The following FREM1 variants were observed in gnomAD, a reference collection of about 807,000 sequenced individuals.
FREM1 encodes FRAS1-related extracellular matrix protein 1.
Under a neutral mutation model 210.1 loss-of-function variants are expected in FREM1, and 220 were observed. The observed-to-expected ratio is 1.05, with a 90% CI of 0.94 to 1.17. FREM1 has a LOEUF of 1.17. Among genes scored for constraint, FREM1 ranks in the 50% most tolerant of loss-of-function variants. FREM1 has a pLI of 0.00. For synonymous variants in FREM1, 1,189 were observed against 980.2 expected (o/e 1.21, Z -3.98); for missense variants, 3,454 against 2,675.5 (o/e 1.29, Z -6.42).
At chr9:14,830,050 CAAG>C in intron 10 of FREM1, among the ~76,000 whole-genome samples, 1 of 152,088 alleles carries the variant, frequency 6.6e-6, no homozygotes, top group Non-Finnish European at 1.5e-5. Flanking sequence ...ATATTTACCA[CAAG>C]TCAGAGAAGA....
At chr9:14,758,767 G>T (rs1209679493) in intron 28 of FREM1, among the ~76,000 whole-genome samples, 2 of 151,980 alleles carry the variant, frequency 1.3e-5, no homozygotes, top group Non-Finnish European at 2.9e-5. Flanking sequence ...AAGCGCTCTT[G>T]TTATAACGAC....
intron 13 of FREM1, among the ~76,000 whole-genome samples, chr9:14,820,522 GA>G (rs1471788709): frequency 6.6e-6 from 1 of 152,212 alleles, no homozygotes; most frequent in Non-Finnish European, 1.5e-5. Flanking sequence ...AGAGGAAAGG[GA>G]AGGAAGCAAG....
intron 28 of FREM1, among the ~76,000 whole-genome samples, chr9:14,757,314 G>A (rs1844584166): frequency 6.6e-6 from 1 of 152,200 alleles, no homozygotes; most frequent in Admixed American, 6.5e-5. Context: ...CAGCACTCTG[G>A]GAGGCAGAGG....
chr9:14,791,194 G>T (rs188654856), intron 22 of FREM1: 1 of 152,080 alleles, frequency 6.6e-6, no homozygotes, highest in Non-Finnish European at 1.5e-5. Context: ...TATAATTCAC[G>T]TTGGGCTGAT....
chr9:14,807,081 G>A (rs1357569629), intron 17 of FREM1, among the ~76,000 whole-genome samples: 1 of 152,168 alleles, frequency 6.6e-6, no homozygotes, highest in East Asian at 1.9e-4. Context: ...GTCCAGGCAA[G>A]TCAGAAGATA....
In FREM1 at chr9:14,819,245, G is replaced by A; in HGVS notation, c.2535C>T (p.Thr845=). The part of the protein sequence containing the change: ...GGTFSWGDLH[T]LKVRYQHDGT... ...TGAAATGTTCTAACCTAACTTTTAA[G>A]GTATGGAGATCGCCCCAAGAAAATG... The change falls in exon 14 of 37, where the codon ACC becomes ACT. Residue 845 remains threonine, a synonymous_variant. Coordinates refer to ENST00000380880, the MANE Select transcript of FREM1 (RefSeq NM_001379081.2). 6.2e-7 allele frequency: 1 copy of A among 1,610,464 alleles called. No homozygotes were observed. Among genetic ancestry groups the A allele is most frequent in the Non-Finnish European group, 8.5e-7 (1 of 1,177,370 alleles).
chr9:14,771,889 G>A (rs1271741056), intron 25 of FREM1, among the ~76,000 whole-genome samples: 1 of 151,932 alleles, frequency 6.6e-6, no homozygotes, highest in Non-Finnish European at 1.5e-5. Context: ...GCAAGTTGCA[G>A]AATAGAATTC....
intron 13 of FREM1, among the ~76,000 whole-genome samples, chr9:14,821,886 T>C (rs1821395078): frequency 6.6e-6 from 1 of 152,218 alleles, no homozygotes; most frequent in Non-Finnish European, 1.5e-5. Flanking sequence ...ATGTTGGCAA[T>C]TCATTATTTT....
intron 24 of FREM1, among the ~76,000 whole-genome samples, chr9:14,781,050 T>A (rs1849573371): frequency 1.3e-5 from 2 of 152,144 alleles, no homozygotes; most frequent in South Asian, 4.1e-4. Flanking sequence ...TCTCCACAAA[T>A]TTTTGGTACA....
At chr9:14,776,241 C>G (rs778935180) in intron 24 of FREM1, 38 bp from the exon 25 acceptor site, 4 of 1,503,498 alleles carry the variant, frequency 2.7e-6, no homozygotes, top group Admixed American at 4.6e-5. Context: ...AGCATGGATT[C>G]TTGTGTCACC....
Position 14,859,297 on chromosome 9 carries a change from C to T in FREM1, c.517G>A (p.Val173Ile), listed in dbSNP as rs539557870. The T allele has an allele frequency of 1.8e-5, 29 of 1,613,836 alleles. No individual in the cohort carries two copies. Among genetic ancestry groups the T allele is most frequent in the African/African-American group, 1.2e-4 (9 of 75,008 alleles). Residue 173 changes from valine (V) to isoleucine (I), a missense_variant, in exon 4 of 37, where the codon GTC (valine) becomes ATC (isoleucine). Physicochemically the swap from Val to Ile is conservative, Grantham distance 29. Coordinates refer to ENST00000380880, the MANE Select transcript of FREM1 (RefSeq NM_001379081.2). ...YDRMASLECT[V>I]SLDTARTRLP... ...CGAGTTCTCGCAGTGTCCAGGCTGA[C>T]GGTACATTCCAGGCTAGCCATCCTA...
chr9:14,843,831 C>T (rs937402690), intron 8 of FREM1, among the ~76,000 whole-genome samples: 1 of 152,094 alleles, frequency 6.6e-6, no homozygotes, highest in African/African-American at 2.4e-5. Flanking sequence ...AGGGAGGCAA[C>T]AACCAGTGTT....
In FREM1 at chr9:14,869,748, ACTTTG is replaced by A. The variant is rs1475592624; in HGVS notation, c.-267-509_-267-505del. Among the ~76,000 whole-genome samples the A allele has an allele frequency of 1.3e-5, 2 of 152,236 alleles. 1 individual carries two copies. The highest frequency in any genetic ancestry group is 4.8e-5 in the African/African-American group (2 of 41,458). On this transcript the variant is annotated intron_variant, in intron 1 of 36. Transcript: ENST00000380880. ...ATTTATCACACTGGGCACACTTCTGACTTTGCTGGGCAATGAAGACACCTAAGAAA... is the reference window on the plus strand; with the variant it reads ...ATTTATCACACTGGGCACACTTCTGACTGGGCAATGAAGACACCTAAGAAA...
At position 14,812,769 on chromosome 9, in the gene FREM1, A is replaced by C. The variant is rs1204195592; in HGVS notation, c.2893+43T>G. On this transcript the variant is annotated intron_variant, in intron 16 of 36. Coordinates refer to ENST00000380880, the MANE Select transcript of FREM1 (RefSeq NM_001379081.2). ...CCCACACTGAGGAGTGGAGACTCTC[A>C]TGTTGCTTGCATTCCCTCACTGGTC... The C allele has an allele frequency of 2.6e-6, 4 of 1,563,560 alleles. No homozygotes were observed. The South Asian group carries it at 4.9e-5, about 19-fold the overall frequency.
At chr9:14,881,081 G>C (rs528671850) in intron 1 of FREM1, among the ~76,000 whole-genome samples, 2 of 152,296 alleles carry the variant, frequency 1.3e-5, no homozygotes, top group African/African-American at 4.8e-5. Flanking sequence ...TGTGTTTCAG[G>C]CTCTGCAAGA....
In FREM1 at chr9:14,801,715, G is replaced by A. The variant is rs76714828; in HGVS notation, c.3631C>T (p.Pro1211Ser). ...GCATGTTTCTGGTGAGGGTTGGCTGGCTGCTTATTCTCAGAGAAGTCTTTG... is the reference window on the plus strand; with the variant it reads ...GCATGTTTCTGGTGAGGGTTGGCTGACTGCTTATTCTCAGAGAAGTCTTTG... ...FSKDFSENKQ[P>S]ANPHQKHAPV... The change falls in exon 20 of 37, where the codon CCA becomes TCA. Residue 1211 changes from proline (P) to serine (S), a missense_variant. By Grantham distance (74) the Pro-to-Ser change is moderately conservative (BLOSUM62 -1). Transcript: ENST00000380880. The A allele has an allele frequency of 1.1e-4, 173 of 1,613,954 alleles. No homozygotes were observed. In the African/African-American group the frequency reaches 2.1e-3, roughly 20 times the overall value.
At chr9:14,810,417 T>C (rs1451992863) in intron 16 of FREM1, among the ~76,000 whole-genome samples, 2 of 152,126 alleles carry the variant, frequency 1.3e-5, no homozygotes, top group South Asian at 2.1e-4. Flanking sequence ...CCTAAGGACA[T>C]GATTGGTACT....
At chr9:14,825,107 T>C (rs918315679) in intron 10 of FREM1, 115 bp from the exon 11 acceptor site, 1 of 672,986 alleles carries the variant, frequency 1.5e-6, no homozygotes, top group Non-Finnish European at 2.4e-6. Flanking sequence ...ATTTATAATA[T>C]ACTTCTGTCA....
intron 1 of FREM1, among the ~76,000 whole-genome samples, chr9:14,879,194 C>T (rs926129647): frequency 5.3e-5 from 8 of 150,824 alleles, no homozygotes; most frequent in Admixed American, 1.3e-4. Context: ...CATAAGCGGG[C>T]ACCATTAGCC....
Sources: gnomAD v4.1 joint callset for allele counts (sites outside exome capture counted in the v4.1 genomes callset) on GRCh38, gnomAD v4.1.1 for gene constraint, MANE v1.5 for transcripts, NCBI Gene and HGNC (gene_info 2026-07-23, HGNC 2026-07-21) for gene names.